GNAO1: variants seen among roughly 807,000 people sequenced by gnomAD.
GNAO1 encodes the protein guanine nucleotide-binding protein G(o) subunit alpha.
For missense variants in GNAO1, 166 were observed against 478.7 expected, an observed-to-expected ratio of 0.35 and a Z score of 6.10; for synonymous variants, 164 against 180.7, an observed-to-expected ratio of 0.91 and a Z score of 0.74.
chr16:56,303,573 ACC>A (rs72349271), intron 3 of GNAO1, among the ~76,000 whole-genome samples: 5,064 of 152,072 alleles, frequency 0.033, 209 homozygotes, highest in African/African-American at 0.089. Flanking sequence ...CAGTGACTTC[ACC>A]CTCTGGAGCA....
intron 5 of GNAO1, among the ~76,000 whole-genome samples, chr16:56,335,737 A>G (rs1280867077): frequency 6.6e-6 from 1 of 152,194 alleles, no homozygotes; most frequent in African/African-American, 2.4e-5. Flanking sequence ...CACTGGGAGC[A>G]CAGGATGGGG....
At chr16:56,348,139 A>G (rs1237183393) in intron 6 of GNAO1, 5 of 969,346 alleles carry the variant, frequency 5.2e-6, no homozygotes, top group Non-Finnish European at 6.1e-6. Flanking sequence ...GTAATAATTT[A>G]TTGGCTGCCA....
At chr16:56,306,260 A>G (rs925343630) in intron 3 of GNAO1, among the ~76,000 whole-genome samples, 4 of 152,248 alleles carry the variant, frequency 2.6e-5, no homozygotes, top group African/African-American at 7.2e-5. Flanking sequence ...GTGTTAATGC[A>G]GGGTCCCAGA....
intron 2 of GNAO1, among the ~76,000 whole-genome samples, chr16:56,236,458 C>T (rs917058150): frequency 1.3e-5 from 2 of 152,096 alleles, no homozygotes; most frequent in African/African-American, 2.4e-5. Flanking sequence ...TTCTTAGGAG[C>T]TTTAGACATT....
chr16:56,346,677 G>C, intron 6 of GNAO1: 2 of 985,518 alleles, frequency 2.0e-6, no homozygotes, highest in East Asian at 1.1e-4. Flanking sequence ...CTAGAGCTCA[G>C]GCACAAGAAC....
chr16:56,203,646 A>G (rs2036300053), intron 2 of GNAO1, among the ~76,000 whole-genome samples: 1 of 152,214 alleles, frequency 6.6e-6, no homozygotes, highest in Non-Finnish European at 1.5e-5. Flanking sequence ...AGCAGGTTCT[A>G]TGGAGCTGAC....
At position 56,311,773 on chromosome 16, in the gene GNAO1, G is replaced by A. The variant is rs1596857989; in HGVS notation, c.304-16858G>A. 2.0e-5 allele frequency among the ~76,000 whole-genome samples: 3 copies of A among 152,106 alleles called. No homozygotes were observed. The highest frequency in any genetic ancestry group is 1.9e-4 in the East Asian group (1 of 5,158). On this transcript the variant is annotated intron_variant, in intron 3 of 8. Coordinates refer to ENST00000262493, the MANE Select transcript of GNAO1 (RefSeq NM_020988.3). This position sits in a 1 kb window ranked among gnomAD's most constrained non-coding sequence, Gnocchi z 5.2. ...CACTGGGCTGTCCACCTCCTGCCCC[G>A]CCCAGCACGGCCCGCTGGGACCTCC...
chr16:56,242,469 G>A (rs1289961649), intron 2 of GNAO1, among the ~76,000 whole-genome samples: 1 of 152,118 alleles, frequency 6.6e-6, no homozygotes, highest in Non-Finnish European at 1.5e-5. Flanking sequence ...CAAAAGAATA[G>A]GCATCTAGAT....
At chr16:56,302,092 C>T (rs1201004299) in intron 3 of GNAO1, 1 of 152,408 alleles carries the variant, frequency 6.6e-6, no homozygotes, top group African/African-American at 2.4e-5. Flanking sequence ...ATCTACAGCT[C>T]ACAATCTACT....
chr16:56,322,458 C>G (rs188788642), intron 3 of GNAO1, among the ~76,000 whole-genome samples: 2 of 152,282 alleles, frequency 1.3e-5, no homozygotes, highest in East Asian at 3.9e-4. Flanking sequence ...CCCCCAGACC[C>G]CTAAAAGCAG....
At chr16:56,321,927 A>C (rs1108658) in intron 3 of GNAO1, among the ~76,000 whole-genome samples, 2 of 152,128 alleles carry the variant, frequency 1.3e-5, no homozygotes, top group African/African-American at 4.8e-5. Context: ...GAATACCATA[A>C]GCTGGGTGGC....
In GNAO1 at chr16:56,346,606, G is replaced by A. The variant is rs556878324; in HGVS notation, c.724-4778G>A. 3 of 985,380 alleles carry A rather than the reference G, an allele frequency of 3.0e-6. No individual in the cohort carries two copies. In the Admixed American group the frequency reaches 1.8e-4, roughly 61 times the overall value. The allele number at this position is 985,380 out of a possible 1,614,324, so 61.0% of individuals were successfully genotyped here. The stretch of plus-strand genomic sequence containing the variant: ...GGGTGTGGGGTCTGCCCAGCCCCAA[G>A]CAGAGAGCACAGTCTGGGCCCCTGA... On this transcript the variant is annotated intron_variant, in intron 6 of 8. Coordinates refer to ENST00000262493, the MANE Select transcript of GNAO1 (RefSeq NM_020988.3).
At chr16:56,315,259 T>C (rs1434743372) in intron 3 of GNAO1, among the ~76,000 whole-genome samples, 7 of 152,260 alleles carry the variant, frequency 4.6e-5, no homozygotes, top group Non-Finnish European at 1.0e-4. Flanking sequence ...CCATCGTCAC[T>C]TCGTGTTCTG....
intron 2 of GNAO1, chr16:56,255,383 C>T (rs1334499440): frequency 6.6e-6 from 1 of 152,154 alleles, no homozygotes; most frequent in African/African-American, 2.4e-5. Flanking sequence ...TGTGTTTCCT[C>T]TAAAAAATGA....
At chr16:56,219,557 A>G (rs2036465726) in intron 2 of GNAO1, among the ~76,000 whole-genome samples, 1 of 152,200 alleles carries the variant, frequency 6.6e-6, no homozygotes, top group Admixed American at 6.5e-5. Context: ...ATATTAGGAA[A>G]TGTATCCTTC....
At chr16:56,251,998 A>G (rs1476992091) in intron 2 of GNAO1, among the ~76,000 whole-genome samples, 1 of 152,184 alleles carries the variant, frequency 6.6e-6, no homozygotes, top group African/African-American at 2.4e-5. Flanking sequence ...TGCATGGGCA[A>G]CAAATGAGAC....
chr16:56,255,079 A>G (rs772793142), intron 2 of GNAO1, among the ~76,000 whole-genome samples: 2 of 152,156 alleles, frequency 1.3e-5, no homozygotes, highest in Non-Finnish European at 2.9e-5. Flanking sequence ...TGATTCTGTT[A>G]GGAACATTTA....
intron 3 of GNAO1, among the ~76,000 whole-genome samples, chr16:56,288,501 A>G (rs147909997): frequency 1.8e-4 from 27 of 152,368 alleles, no homozygotes; most frequent in African/African-American, 6.3e-4. Context: ...GAAGTTCCCA[A>G]GCTATATAAG....
intron 2 of GNAO1, among the ~76,000 whole-genome samples, chr16:56,229,192 GT>G (rs1224324224): frequency 6.6e-6 from 1 of 151,786 alleles, no homozygotes; most frequent in Non-Finnish European, 1.5e-5. Flanking sequence ...CACCATTGCT[GT>G]TTTTGTTTTT....
Sources: allele counts gnomAD v4.1 joint callset (sites outside exome capture counted in the v4.1 genomes callset), GRCh38; gene constraint gnomAD v4.1.1; non-coding constraint Gnocchi (gnomAD v3.1); transcripts MANE v1.5; gene names NCBI Gene and HGNC (gene_info 2026-07-23, HGNC 2026-07-21).